The following IGFL3 variants were observed in gnomAD, a reference collection of about 807,000 sequenced individuals.
IGFL3 encodes the protein insulin growth factor-like family member 3.
In IGFL3, 12 loss-of-function variants were observed where a neutral mutation model predicts 17.0. That is an observed-to-expected ratio of 0.71 (90% CI 0.45 to 1.14). The LOEUF is 1.14. Among genes scored for constraint, IGFL3 ranks in the 50% most tolerant of loss-of-function variants. The pLI is 0.00. For synonymous variants in IGFL3, 52 were observed against 57.4 expected (o/e 0.91, Z 0.42); for missense variants, 153 against 151.6 (o/e 1.01, Z -0.05).
In IGFL3 at chr19:46,123,956, G is replaced by A. The variant is rs1315131567; in HGVS notation, c.280C>T (p.Leu94Phe). The change falls in exon 3 of 4, where the codon CTT (leucine) becomes TTT (phenylalanine). Residue 94 changes from leucine to phenylalanine, a missense_variant. Coordinates refer to ENST00000341415, the MANE Select transcript of IGFL3 (RefSeq NM_207393.2). ...ATACCCAGAACCCTCAACTTCACAA[G>A]AAACTTCTGCTGGGGGCCAAAAGAC... ...PESFGPQQKFLVKLRVLGMKS... is the reference protein window; with the variant it reads ...PESFGPQQKFFVKLRVLGMKS... 3 of 1,611,418 alleles carry A rather than the reference G, an allele frequency of 1.9e-6. No individual in the cohort carries two copies. Among genetic ancestry groups the A allele is most frequent in the Admixed American group, 3.4e-5 (2 of 59,674 alleles).
In IGFL3 at chr19:46,124,126, C is replaced by A. The variant is rs1232906953; in HGVS notation, c.110G>T (p.Cys37Phe). The A allele has an allele frequency of 6.2e-7, 1 of 1,611,112 alleles. No individual in the cohort carries two copies. ...DAPVGSGLWL[C>F]QPTPRCGNKI... ...GTTCCCACACCTGGGTGTCGGCTGG[C>A]ACAGCCACAGTCCTGAGCCAACAGG... Residue 37 changes from cysteine to phenylalanine, a missense_variant, in exon 3 of 4, where the codon TGC (cysteine) becomes TTC (phenylalanine). Physicochemically the swap from Cys to Phe is radical, Grantham distance 205 (BLOSUM62 -2). Transcript: ENST00000341415.
rs750722859 is a variant in IGFL3, at chr19:46,124,147, A to G, written c.89T>C (p.Val30Ala). The change falls in exon 3 of 4, where the codon GTT becomes GCT. Residue 30 changes from valine (V) to alanine (A), a missense_variant. Coordinates refer to ENST00000341415, the MANE Select transcript of IGFL3 (RefSeq NM_207393.2). The part of the protein sequence containing the change: ...QCSKGTTDAP[V>A]GSGLWLCQPT... ...CTGGCACAGCCACAGTCCTGAGCCAACAGGAGCGTCTGGGGGCAGACATTG... is the reference window on the plus strand; with the variant it reads ...CTGGCACAGCCACAGTCCTGAGCCAGCAGGAGCGTCTGGGGGCAGACATTG... The G allele has an allele frequency of 2.5e-6, 4 of 1,610,344 alleles. No individual in the cohort carries two copies. The highest frequency in any genetic ancestry group is 1.6e-4 in the Middle Eastern group (1 of 6,070).
In IGFL3 at chr19:46,124,139, C is replaced by G. The variant is rs376556468; in HGVS notation, c.97G>C (p.Gly33Arg). ...GGTGTCGGCTGGCACAGCCACAGTC[C>G]TGAGCCAACAGGAGCGTCTGGGGGC... is the stretch of plus-strand genomic sequence containing the variant. ...KGTTDAPVGS[G>R]LWLCQPTPRC... The change falls in exon 3 of 4, where the codon GGA becomes CGA. Residue 33 changes from glycine to arginine, a missense_variant. Gly to Arg is a moderately radical substitution (Grantham distance 125, BLOSUM62 -2). Coordinates refer to ENST00000341415, the MANE Select transcript of IGFL3 (RefSeq NM_207393.2). The G allele has an allele frequency of 6.2e-7, 1 of 1,610,734 alleles. No homozygotes were observed. Among genetic ancestry groups the G allele is most frequent in the African/African-American group, 1.4e-5 (1 of 73,852 alleles).
intron 3 of IGFL3, 38 bp downstream of exon 3, chr19:46,123,848 C>T (rs771072736): frequency 1.2e-5 from 19 of 1,568,906 alleles, no homozygotes; most frequent in South Asian, 2.4e-5. Context: ...TCATCCCTCC[C>T]TCATTCCTTT....
intron 3 of IGFL3, among the ~76,000 whole-genome samples, chr19:46,122,927 A>G (rs1600810887): frequency 6.6e-6 from 1 of 150,828 alleles, no homozygotes; most frequent in Non-Finnish European, 1.5e-5. Context: ...CTCACTATCC[A>G]GACTGCTAGG....
At position 46,120,184 on chromosome 19, in the gene IGFL3, A is replaced by AG. The variant is rs1971674731; in HGVS notation, c.*145dup. On this transcript the variant is annotated 3_prime_UTR_variant, in exon 4 of 4. Coordinates refer to ENST00000341415, the MANE Select transcript of IGFL3 (RefSeq NM_207393.2). ...CTTCCCCTGAAGTCTGGCCATCCCC[A>AG]GCTGGGCTCCTCTCCAAAGCTATGT... The AG allele has an allele frequency of 1.7e-6, 2 of 1,175,434 alleles. No homozygotes were observed. Among genetic ancestry groups the AG allele is most frequent in the Admixed American group, 2.6e-5 (1 of 37,830 alleles). The allele number at this position is 1,175,434 out of a possible 1,614,324, so 72.8% of individuals were successfully genotyped here. A position where few individuals can be genotyped will look rare whatever the true frequency, so the allele number is the denominator to read the frequency against.
At chr19:46,123,420 TAAGTA>T (rs1248075985) in intron 3 of IGFL3, among the ~76,000 whole-genome samples, 1 of 151,034 alleles carries the variant, frequency 6.6e-6, no homozygotes, top group Non-Finnish European at 1.5e-5. Flanking sequence ...CTACCAGTTT[TAAGTA>T]AAGTAAGGAA....
rs915188103 is a variant in IGFL3 at position 46,120,242 on chromosome 19, C to T, written c.*88G>A. The T allele has an allele frequency of 5.4e-5, 86 of 1,582,410 alleles. 6 individuals are homozygous for T. The African/African-American group carries it at 1.1e-3, about 20-fold the overall frequency. On this transcript the variant is annotated 3_prime_UTR_variant, in exon 4 of 4. Coordinates refer to ENST00000341415, the MANE Select transcript of IGFL3 (RefSeq NM_207393.2). ...CCATCCCTCTGAAGTCAAGTTGCTT[C>T]TCTCCGAAGTTCAACTGTAGTCTCC... is the stretch of plus-strand genomic sequence containing the variant.
chr19:46,121,951 A>C (rs1971799574), intron 3 of IGFL3, among the ~76,000 whole-genome samples: 1 of 151,088 alleles, frequency 6.6e-6, no homozygotes, highest in East Asian at 2.0e-4. Context: ...CATTTTTAAA[A>C]TGTAAAAATG....
intron 3 of IGFL3, among the ~76,000 whole-genome samples, chr19:46,120,997 T>A (rs933546176): frequency 3.3e-5 from 5 of 150,772 alleles, no homozygotes; most frequent in African/African-American, 1.2e-4. Flanking sequence ...TTTTAATTCA[T>A]ATCCAACTTG....
chr19:46,124,556 T>C, intron 1 of IGFL3, 69 bp downstream of exon 1: 4 of 1,395,468 alleles, frequency 2.9e-6, no homozygotes, highest in Middle Eastern at 1.8e-4. Flanking sequence ...GAGGAATAAA[T>C]CGGGTTGAGG....
At chr19:46,121,586 G>A (rs531943593) in intron 3 of IGFL3, among the ~76,000 whole-genome samples, 1 of 150,668 alleles carries the variant, frequency 6.6e-6, no homozygotes, top group East Asian at 2.0e-4. Context: ...AGAGAGGAAA[G>A]ATGTCAGAAT....
At chr19:46,122,614 C>G (rs1971837671) in intron 3 of IGFL3, among the ~76,000 whole-genome samples, 1 of 150,946 alleles carries the variant, frequency 6.6e-6, no homozygotes, top group South Asian at 2.1e-4. Flanking sequence ...CATCCAAGGC[C>G]TGATTGCTGT....
intron 3 of IGFL3, 131 bp from the exon 4 acceptor site, chr19:46,120,488 A>G: frequency 1.6e-6 from 2 of 1,285,568 alleles, no homozygotes; most frequent in Non-Finnish European, 2.1e-6. Flanking sequence ...GTAGATATCA[A>G]CAGAAGGACA....
rs544969520 is a variant in IGFL3, at chr19:46,120,084, G to A, written c.*246C>T. ...TGAACGAATTGAAGATGGTAAATGTGGGGGATTTTATTGCCGATGAAAGTG... is the reference window on the plus strand; with the variant it reads ...TGAACGAATTGAAGATGGTAAATGTAGGGGATTTTATTGCCGATGAAAGTG... On this transcript the variant is annotated 3_prime_UTR_variant, in exon 4 of 4. Transcript: ENST00000341415. The A allele has an allele frequency of 5.5e-6, 3 of 545,214 alleles. No homozygotes were observed. Among genetic ancestry groups the A allele is most frequent in the South Asian group, 2.2e-5 (1 of 45,068 alleles). The allele number at this position is 545,214 out of a possible 1,614,324, so 33.8% of individuals were successfully genotyped here. A position where few individuals can be genotyped will look rare whatever the true frequency, so the allele number is the denominator to read the frequency against.
intron 3 of IGFL3, among the ~76,000 whole-genome samples, chr19:46,121,788 C>G (rs927447695): frequency 2.7e-5 from 4 of 150,814 alleles, no homozygotes; most frequent in Non-Finnish European, 4.4e-5. Flanking sequence ...ACAGCAAGTG[C>G]GGAGCTGACT....
At position 46,120,250 on chromosome 19, in the gene IGFL3, A is replaced by T. The variant is rs1971679258; in HGVS notation, c.*80T>A. 6.3e-7 allele frequency: 1 copy of T among 1,594,712 alleles called. No homozygotes were observed. Among genetic ancestry groups the T allele is most frequent in the African/African-American group, 1.4e-5 (1 of 72,676 alleles). On this transcript the variant is annotated 3_prime_UTR_variant, in exon 4 of 4. Transcript: ENST00000341415. ...CTGAAGTCAAGTTGCTTCTCTCCGA[A>T]GTTCAACTGTAGTCTCCGATGTCCA...
chr19:46,124,102 T>C lies in IGFL3; in HGVS notation c.134A>G (p.Asn45Ser), dbSNP rs1419538030. 3 of 1,611,288 alleles carry C rather than the reference T, an allele frequency of 1.9e-6. No individual in the cohort carries two copies. In the Admixed American group the frequency reaches 5.0e-5, roughly 27 times the overall value. Reference protein sequence around the residue: ...WLCQPTPRCGNKIYNPSEQCC... With the variant: ...WLCQPTPRCGSKIYNPSEQCC... ...CTGCTCTGAAGGGTTGTAGATCTTGTTCCCACACCTGGGTGTCGGCTGGCA... is the reference window on the plus strand; with the variant it reads ...CTGCTCTGAAGGGTTGTAGATCTTGCTCCCACACCTGGGTGTCGGCTGGCA... The change falls in exon 3 of 4, where the codon AAC (asparagine) becomes AGC (serine). Residue 45 changes from asparagine (N) to serine (S), a missense_variant. Coordinates refer to ENST00000341415, the MANE Select transcript of IGFL3 (RefSeq NM_207393.2).
Position 46,120,205 on chromosome 19 carries a change from T to C in IGFL3, c.*125A>G. 7.0e-7 allele frequency: 1 copy of C among 1,421,050 alleles called. No individual in the cohort carries two copies. The allele number at this position is 1,421,050 out of a possible 1,614,324, so 88.0% of individuals were successfully genotyped here. ...CCCCAGCTGGGCTCCTCTCCAAAGC[T>C]ATGTCATTGAGCCATCCCTCTGAAG... On this transcript the variant is annotated 3_prime_UTR_variant, in exon 4 of 4. Coordinates refer to ENST00000341415, the MANE Select transcript of IGFL3 (RefSeq NM_207393.2).
Sources: gnomAD v4.1 joint callset for allele counts (sites outside exome capture counted in the v4.1 genomes callset) on GRCh38, gnomAD v4.1.1 for gene constraint, MANE v1.5 for transcripts, NCBI Gene and HGNC (gene_info 2026-07-23, HGNC 2026-07-21) for gene names.